The following LILRA2 variants were observed in gnomAD, a reference collection of about 807,000 sequenced individuals.
LILRA2 encodes leukocyte immunoglobulin like receptor A2, also known as leukocyte immunoglobulin-like receptor subfamily A member 2.
In LILRA2, 45 loss-of-function variants were observed where a neutral mutation model predicts 47.9. That is an observed-to-expected ratio of 0.94 (90% CI 0.74 to 1.20). LILRA2 has a LOEUF of 1.20. Among genes scored for constraint, LILRA2 ranks in the 50% most tolerant of loss-of-function variants. The pLI, the probability that LILRA2 is intolerant of heterozygous loss-of-function variation, is 0.00. For synonymous variants in LILRA2, 279 were observed against 249.2 expected (o/e 1.12, Z -1.13); for missense variants, 651 against 598.2 (o/e 1.09, Z -0.92).
At chr19:54,573,386 A>T, upstream of LILRA2, 1 of 848,994 alleles carries the variant, frequency 1.2e-6, no homozygotes, top group Non-Finnish European at 2.0e-6. Flanking sequence ...TGCAGCATGG[A>T]CCTGGGTTTT....
rs940439800 is a variant in LILRA2, at chr19:54,589,176, G to A, written c.*1830G>A. ...ATCAGATTAGGACTCATCCTAATTC[G>A]TTATGATCCCTTGATCATAACTTAA... On this transcript the variant is annotated 3_prime_UTR_variant, in exon 8 of 8. Transcript: ENST00000391738. 3 of 151,884 alleles carry A rather than the reference G, an allele frequency of 2.0e-5. No individual in the cohort carries two copies. Among genetic ancestry groups the A allele is most frequent in the Non-Finnish European group, 2.9e-5 (2 of 67,984 alleles). 9.4% of individuals were successfully genotyped at this position (151,884 alleles called of 1,614,324 possible).
rs148910186 is a variant in LILRA2 at position 54,574,893 on chromosome 19, C to G, written c.515C>G (p.Ala172Gly). ...CAACGCCTGAACTCCCATTCCCATGCCCGTGGGTGGTCCTGGGCCATCTTC... is the reference window on the plus strand; with the variant it reads ...CAACGCCTGAACTCCCATTCCCATGGCCGTGGGTGGTCCTGGGCCATCTTC... ...HPQRLNSHSH[A>G]RGWSWAIFSV... Residue 172 changes from alanine (A) to glycine (G), a missense_variant, in exon 4 of 8, where the codon GCC becomes GGC. Ala to Gly is a moderately conservative substitution (Grantham distance 60, BLOSUM62 0). Coordinates refer to ENST00000391738, the MANE Select transcript of LILRA2 (RefSeq NM_001130917.3). 5.6e-6 allele frequency: 9 copies of G among 1,608,792 alleles called. No individual in the cohort carries two copies. The African/African-American group carries it at 8.0e-5, about 14-fold the overall frequency.
intron 6 of LILRA2, among the ~76,000 whole-genome samples, chr19:54,585,794 C>T (rs1457292119): frequency 6.6e-6 from 1 of 152,210 alleles, no homozygotes; most frequent in African/African-American, 2.4e-5. Context: ...CCTTTGTGGG[C>T]TGCAGCCACA....
chr19:54,576,340 G>C (rs2062436870), intron 6 of LILRA2, among the ~76,000 whole-genome samples: 2 of 57,232 alleles, frequency 3.5e-5, no homozygotes, highest in African/African-American at 1.3e-4. Flanking sequence ...CGGGGGGGCG[G>C]GTGGTGAACC....
chr19:54,573,552 G>A (rs537876265), upstream of LILRA2: 9 of 752,188 alleles, frequency 1.2e-5, no homozygotes, highest in Admixed American at 2.1e-5. Context: ...AAGGGCAGAC[G>A]CAGGAGGGCA....
rs576619054 is a variant in LILRA2 at position 54,589,861 on chromosome 19, A to G, written c.*2515A>G. 6.6e-5 allele frequency: 10 copies of G among 152,280 alleles called. No individual in the cohort carries two copies. Among genetic ancestry groups the G allele is most frequent in the Non-Finnish European group, 1.3e-4 (9 of 68,030 alleles). The allele number at this position is 152,280 out of a possible 1,614,324, so 9.4% of individuals were successfully genotyped here. ...AGGCACATGCCAGCTGTTTCCATTC[A>G]TCCAACCTGAACCTGAGCCCCCGAT... On this transcript the variant is annotated 3_prime_UTR_variant, in exon 8 of 8. Transcript: ENST00000391738.
intron 6 of LILRA2, chr19:54,577,709 C>A: frequency 7.9e-7 from 1 of 1,262,186 alleles, no homozygotes; most frequent in Non-Finnish European, 1.0e-6. Flanking sequence ...TGCACCTGCT[C>A]CCTGGACAAG....
intron 6 of LILRA2, among the ~76,000 whole-genome samples, chr19:54,582,843 T>C (rs1040260618): frequency 6.6e-6 from 1 of 152,208 alleles, no homozygotes; most frequent in Non-Finnish European, 1.5e-5. Context: ...TGCTCTTGCT[T>C]CTCTAGTTCT....
Position 54,580,093 on chromosome 19 carries a change from C to T in LILRA2, c.1255+3984C>T, listed in dbSNP as rs191053638. ...CTTTCTCTTTTCCTAATTGAATACA[C>T]TTTATTTCTTTCTCTTGCGTGATTG... On this transcript the variant is annotated intron_variant, in intron 6 of 7. Transcript: ENST00000391738. Among the ~76,000 whole-genome samples the T allele has an allele frequency of 4.9e-4, 74 of 151,868 alleles. 1 individual carries two copies. The highest frequency in any genetic ancestry group is 2.1e-3 in the Admixed American group (32 of 15,250).
chr19:54,580,278 G>A (rs2062609732), intron 6 of LILRA2, among the ~76,000 whole-genome samples: 1 of 113,484 alleles, frequency 8.8e-6, no homozygotes, highest in Non-Finnish European at 1.7e-5. Flanking sequence ...GTATACATGT[G>A]CCATGCTGGT....
At position 54,587,912 on chromosome 19, in the gene LILRA2, A is replaced by C. The variant is rs1175153583; in HGVS notation, c.*566A>C. The stretch of plus-strand genomic sequence containing the variant: ...GTGTAATTTCTCCTGAAATATCACC[A>C]CTTGGAATCATCACACTGGCATTTC... On this transcript the variant is annotated 3_prime_UTR_variant, in exon 8 of 8. Coordinates refer to ENST00000391738, the MANE Select transcript of LILRA2 (RefSeq NM_001130917.3). 6.5e-6 allele frequency: 1 copy of C among 153,886 alleles called. No homozygotes were observed. The highest frequency in any genetic ancestry group is 1.9e-4 in the East Asian group (1 of 5,216). The allele number at this position is 153,886 out of a possible 1,614,324, so 9.5% of individuals were successfully genotyped here.
chr19:54,575,663 G>T, intron 5 of LILRA2, 111 bp downstream of exon 5: 2 of 1,313,338 alleles, frequency 1.5e-6, no homozygotes, highest in Non-Finnish European at 2.1e-6. Context: ...GGGAGGGAGA[G>T]ACAGAGAGAG....
intron 6 of LILRA2, among the ~76,000 whole-genome samples, chr19:54,582,840 G>C (rs1292697913): frequency 6.6e-6 from 1 of 152,054 alleles, no homozygotes; most frequent in Non-Finnish European, 1.5e-5. Flanking sequence ...GTTTGCTCTT[G>C]CTTCTCTAGT....
intron 2 of LILRA2, 80 bp from the exon 3 acceptor site, chr19:54,574,221 G>T: frequency 6.2e-7 from 1 of 1,614,030 alleles, no homozygotes; most frequent in East Asian, 2.2e-5. Flanking sequence ...TGATGGGGGT[G>T]TCTGGAGGGT....
At chr19:54,587,095 C>G in intron 7 of LILRA2, 35 bp downstream of exon 7, 1 of 1,611,766 alleles carries the variant, frequency 6.2e-7, no homozygotes, top group Non-Finnish European at 8.5e-7. Flanking sequence ...ATGGGACTGG[C>G]ACAGAGGGTC....
In LILRA2 at chr19:54,587,058, C is replaced by G. The variant is rs2062832341; in HGVS notation, c.1304C>G (p.Thr435Ser). 6.2e-7 allele frequency: 1 copy of G among 1,613,420 alleles called. No homozygotes were observed. Among genetic ancestry groups the G allele is most frequent in the Non-Finnish European group, 8.5e-7 (1 of 1,179,424 alleles). ...SPSQNKTDST[T>S]TSLGQHPQDY... ...TCACAAAACAAGACAGACTCCACGA[C>G]TAGTGAGTGAGGAGATGCTCTCAGT... Residue 435 changes from threonine to serine, a missense_variant and splice_region_variant, in exon 7 of 8, where the codon ACT becomes AGT. Transcript: ENST00000391738.
chr19:54,573,084 A>G (rs1053949842), upstream of LILRA2: 16 of 223,210 alleles, frequency 7.2e-5, no homozygotes, highest in African/African-American at 3.4e-4. Flanking sequence ...CCCAGGCCGA[A>G]GTATTCCTCC....
intron 6 of LILRA2, among the ~76,000 whole-genome samples, chr19:54,586,419 G>T (rs1408200837): frequency 1.3e-5 from 2 of 152,152 alleles, no homozygotes; most frequent in Admixed American, 1.3e-4. Context: ...CATTCTAGGG[G>T]TTACTGCCTG....
At position 54,575,801 on chromosome 19, in the gene LILRA2, C is replaced by A; in HGVS notation, c.953-6C>A. The A allele has an allele frequency of 1.3e-5, 21 of 1,613,450 alleles. No homozygotes were observed. The highest frequency in any genetic ancestry group is 1.8e-5 in the Non-Finnish European group (21 of 1,179,708). On this transcript the variant is annotated splice_region_variant and splice_polypyrimidine_tract_variant and intron_variant, in intron 5 of 7. Transcript: ENST00000391738. ...GCAGCCCCTCACCCATCCTTCTTCT[C>A]TCTAGGACAGTTCTATGACAGACCC...
Sources: gnomAD v4.1 joint callset for allele counts (sites outside exome capture counted in the v4.1 genomes callset) on GRCh38, gnomAD v4.1.1 for gene constraint, MANE v1.5 for transcripts, NCBI Gene and HGNC (gene_info 2026-07-23, HGNC 2026-07-21) for gene names.